The following ELMO1 variants were observed in gnomAD, a reference collection of about 807,000 sequenced individuals.
ELMO1 encodes engulfment and cell motility protein 1.
ELMO1 carries 26 observed loss-of-function variants against 98.9 expected under a neutral mutation model. That is an observed-to-expected ratio of 0.26 (90% CI 0.19 to 0.36). ELMO1 has a LOEUF of 0.36. Among genes scored for constraint, ELMO1 ranks in the 10% least tolerant of loss-of-function variants. The pLI is 1.00. For missense variants in ELMO1, 627 were observed against 935.2 expected, an observed-to-expected ratio of 0.67 and a Z score of 4.30; for synonymous variants, 346 against 346.0, an observed-to-expected ratio of 1.00 and a Z score of 0.00.
chr7:37,179,922 G>A (rs1790739075), intron 13 of ELMO1, among the ~76,000 whole-genome samples: 1 of 152,032 alleles, frequency 6.6e-6, no homozygotes, highest in African/African-American at 2.4e-5. Context: ...AGGCAGCCTG[G>A]GGAATTTTTC....
At chr7:37,118,420 T>C (rs1178587942) in intron 14 of ELMO1, among the ~76,000 whole-genome samples, 1 of 152,202 alleles carries the variant, frequency 6.6e-6, no homozygotes, top group Non-Finnish European at 1.5e-5. Context: ...TGCCTTTTCC[T>C]TTTCTTCAGT....
chr7:37,295,535 A>G (rs966280183), intron 4 of ELMO1, among the ~76,000 whole-genome samples: 9 of 152,244 alleles, frequency 5.9e-5, no homozygotes, highest in African/African-American at 2.2e-4. Context: ...AATTAAAGAT[A>G]AACATACACT....
In ELMO1 at chr7:36,883,063, C is replaced by T. The variant is rs149185789; in HGVS notation, c.1714+4497G>A. On this transcript the variant is annotated intron_variant, in intron 18 of 21. Transcript: ENST00000310758. The stretch of plus-strand genomic sequence containing the variant: ...GGGCAATATGGTTACCATGCCTGAA[C>T]GCACCACTTGGCTCTAGGTCTTCTG... Among the ~76,000 whole-genome samples, 304 of 152,314 alleles carry T rather than the reference C, an allele frequency of 2.0e-3. 1 individual carries two copies. The highest frequency in any genetic ancestry group is 6.3e-3 in the African/African-American group (263 of 41,574).
intron 15 of ELMO1, among the ~76,000 whole-genome samples, chr7:37,047,880 GAC>G (rs764784444): frequency 2.6e-5 from 4 of 151,730 alleles, no homozygotes; most frequent in African/African-American, 7.3e-5. Context: ...AAAAAATTGT[GAC>G]AGTTTTTTTT....
chr7:37,272,019 A>G (rs575308623), intron 4 of ELMO1, 137 bp from the exon 5 acceptor site: 27 of 721,808 alleles, frequency 3.7e-5, no homozygotes, highest in South Asian at 1.7e-4. Context: ...TATTTCTATA[A>G]AGGCTGTTAA....
intron 16 of ELMO1, among the ~76,000 whole-genome samples, chr7:36,903,262 C>G (rs745730415): frequency 6.6e-6 from 1 of 152,198 alleles, no homozygotes; most frequent in Non-Finnish European, 1.5e-5. Flanking sequence ...CAAGCCTAGG[C>G]CTAGATGTTA....
chr7:37,314,949 A>G (rs1456658013), intron 3 of ELMO1, 27 bp from the exon 4 acceptor site: 2 of 1,592,808 alleles, frequency 1.3e-6, no homozygotes, highest in South Asian at 1.2e-5. Context: ...TATACTGATT[A>G]GAAAAATGAA....
chr7:37,186,400 T>C (rs913026562), intron 13 of ELMO1, among the ~76,000 whole-genome samples: 3 of 152,144 alleles, frequency 2.0e-5, no homozygotes, highest in Non-Finnish European at 4.4e-5. Context: ...AATTGAACAA[T>C]GATTTCTTAG....
chr7:37,087,041 A>G (rs1325226001), intron 15 of ELMO1, among the ~76,000 whole-genome samples: 1 of 152,168 alleles, frequency 6.6e-6, no homozygotes, highest in Admixed American at 6.5e-5. Flanking sequence ...TTCTTCACCT[A>G]AGTTTCCAAG....
rs1235671209 is a variant in ELMO1 at position 37,412,950 on chromosome 7, C to G, written c.-74+35725G>C. ...AGATGACTGCAGCCCCAGCTGACAT[C>G]TGACCACCACTTCACAAAGGACCCT... On this transcript the variant is annotated intron_variant, in intron 1 of 21. Transcript: ENST00000310758. Among the ~76,000 whole-genome samples the G allele has an allele frequency of 3.9e-5, 6 of 152,320 alleles. No homozygotes were observed. The East Asian group carries it at 7.7e-4, about 20-fold the overall frequency.
chr7:37,436,438 T>C (rs1396049675), intron 1 of ELMO1, among the ~76,000 whole-genome samples: 1 of 152,234 alleles, frequency 6.6e-6, no homozygotes, highest in African/African-American at 2.4e-5. Flanking sequence ...TTCATGACTA[T>C]AGTAATGGAA....
At chr7:37,076,234 GTTAT>G (rs1797572665) in intron 15 of ELMO1, among the ~76,000 whole-genome samples, 1 of 151,988 alleles carries the variant, frequency 6.6e-6, no homozygotes, top group African/African-American at 2.4e-5. Flanking sequence ...CCTCCTTCCA[GTTAT>G]TTTTTTTCCT....
chr7:37,413,536 AT>A (rs974207555), intron 1 of ELMO1, among the ~76,000 whole-genome samples: 3 of 152,196 alleles, frequency 2.0e-5, no homozygotes, highest in African/African-American at 7.2e-5. Flanking sequence ...GTCTGAAGAT[AT>A]TTTTCACTTC....
chr7:37,210,245 T>C (rs1792877956), intron 13 of ELMO1, among the ~76,000 whole-genome samples: 1 of 152,194 alleles, frequency 6.6e-6, no homozygotes, highest in African/African-American at 2.4e-5. Context: ...GCATACATTC[T>C]GGGCTGTAAG....
intron 4 of ELMO1, among the ~76,000 whole-genome samples, chr7:37,279,609 C>T (rs892412073): frequency 2.6e-5 from 4 of 152,160 alleles, no homozygotes; most frequent in African/African-American, 9.7e-5. Flanking sequence ...AGTTTCCGAC[C>T]TTACCTGGAG....
chr7:37,106,263 A>G (rs567349283), intron 14 of ELMO1, among the ~76,000 whole-genome samples: 60 of 152,238 alleles, frequency 3.9e-4, no homozygotes, highest in African/African-American at 1.3e-3. Flanking sequence ...TTAATCCCCA[A>G]TGCAACAGTA....
In ELMO1 at chr7:37,359,652, A is replaced by G. The variant is rs148417571; in HGVS notation, c.-73-16889T>C. On this transcript the variant is annotated intron_variant, in intron 1 of 21. Coordinates refer to ENST00000310758, the MANE Select transcript of ELMO1 (RefSeq NM_014800.11). ...ATTTGGCTAGTCAGCAATCTAGCCC[A>G]TCCGAAGGCAGTGTTCTGAACCATT... Among the ~76,000 whole-genome samples, 509 of 152,294 alleles carry G rather than the reference A, an allele frequency of 3.3e-3. 3 individuals carry two copies. The highest frequency in any genetic ancestry group is 0.012 in the African/African-American group (490 of 41,576).
intron 4 of ELMO1, among the ~76,000 whole-genome samples, chr7:37,309,443 T>A (rs930658624): frequency 6.6e-6 from 1 of 152,136 alleles, no homozygotes; most frequent in African/African-American, 2.4e-5. Context: ...CAGGAACATT[T>A]TTCTCCACCC....
chr7:37,051,858 G>C (rs950279042), intron 15 of ELMO1, among the ~76,000 whole-genome samples: 1 of 152,158 alleles, frequency 6.6e-6, no homozygotes, highest in Non-Finnish European at 1.5e-5. Flanking sequence ...TTGGGAGCCT[G>C]CTGTATCCTT....
Sources: allele counts gnomAD v4.1 joint callset (sites outside exome capture counted in the v4.1 genomes callset), GRCh38; gene constraint gnomAD v4.1.1; transcripts MANE v1.5; gene names NCBI Gene and HGNC (gene_info 2026-07-23, HGNC 2026-07-21).